Variants in PLXNA4 observed in about 807,000 individuals in gnomAD.
PLXNA4 encodes the protein plexin A4.
Under a neutral mutation model 191.8 loss-of-function variants are expected in PLXNA4, and 44 were observed. The observed-to-expected ratio is 0.23, with a 90% CI of 0.18 to 0.29. PLXNA4 has a LOEUF of 0.29. Ranked by LOEUF, PLXNA4 falls within the 10% of genes least tolerant of loss-of-function variation. The pLI is 1.00. For missense variants in PLXNA4, 1,800 were observed against 2,488.8 expected (o/e 0.72, Z 5.89); for synonymous variants, 1,082 against 1,009.5 (o/e 1.07, Z -1.36).
chr7:132,321,810 T>C (rs1802178009), intron 3 of PLXNA4, among the ~76,000 whole-genome samples: 1 of 152,044 alleles, frequency 6.6e-6, no homozygotes, highest in Non-Finnish European at 1.5e-5. Context: ...GGAGCCTGTA[T>C]GCGGGTGGCC....
intron 3 of PLXNA4, among the ~76,000 whole-genome samples, chr7:132,378,847 CTTTTTTTT>C (rs11375919): frequency 8.4e-6 from 1 of 119,050 alleles, no homozygotes; most frequent in Non-Finnish European, 1.7e-5. Flanking sequence ...GGCACTGGAT[CTTTTTTTT>C]TTTTTTTTTT....
At position 132,641,468 on chromosome 7, in the gene PLXNA4, T is replaced by C. The variant is rs73434748; in HGVS notation, c.-87+4460A>G. ...ATGTTGGATGAGGGCTCTATCCATA[T>C]GACCTTATTTAACCTTAATTACCTC... On this transcript the variant is annotated intron_variant, in intron 2 of 4. Coordinates refer to the PLXNA4 transcript ENST00000378539. Among the ~76,000 whole-genome samples, 313 of 152,306 alleles carry C rather than the reference T, an allele frequency of 2.1e-3. 2 individuals carry two copies. Among genetic ancestry groups the C allele is most frequent in the African/African-American group, 7.2e-3 (299 of 41,562 alleles).
intron 10 of PLXNA4, among the ~76,000 whole-genome samples, chr7:132,209,954 G>A (rs1225686182): frequency 6.6e-6 from 1 of 152,102 alleles, no homozygotes; most frequent in Non-Finnish European, 1.5e-5. Context: ...CTCAGCTTCT[G>A]GGCCTACACT....
rs115599581 is a variant in PLXNA4 at position 132,442,119 on chromosome 7, C to A, written c.1371+47173G>T. Among the ~76,000 whole-genome samples, 518 of 152,276 alleles carry A rather than the reference C, an allele frequency of 3.4e-3. 3 individuals are homozygous for A. The highest frequency in any genetic ancestry group is 0.012 in the African/African-American group (480 of 41,538). The stretch of plus-strand genomic sequence containing the variant: ...CCAAGCCCTTAATGATCTCACGTGG[C>A]CTTCAGGGACACCCAGGCACTCCAG... On this transcript the variant is annotated intron_variant, in intron 3 of 31. Coordinates refer to ENST00000321063, the MANE Select transcript of PLXNA4 (RefSeq NM_020911.2).
At chr7:132,195,328 T>C (rs1291763296) in intron 13 of PLXNA4, among the ~76,000 whole-genome samples, 1 of 152,250 alleles carries the variant, frequency 6.6e-6, no homozygotes, top group Non-Finnish European at 1.5e-5. Flanking sequence ...GTATTTCATC[T>C]GATGATTGCA....
intron 24 of PLXNA4, among the ~76,000 whole-genome samples, chr7:132,161,070 C>G (rs1186324337): frequency 6.6e-6 from 1 of 152,168 alleles, no homozygotes; most frequent in African/African-American, 2.4e-5. Context: ...GTCTTCTGGC[C>G]CCTTCCCTCT....
intron 24 of PLXNA4, among the ~76,000 whole-genome samples, chr7:132,160,227 C>A (rs551380303): frequency 1.3e-5 from 2 of 152,286 alleles, no homozygotes; most frequent in South Asian, 4.1e-4. Flanking sequence ...ATCTATAAGA[C>A]ACTTAATGTA....
At chr7:132,606,280 T>G (rs142661339) in intron 2 of PLXNA4, among the ~76,000 whole-genome samples, 1 of 152,358 alleles carries the variant, frequency 6.6e-6, no homozygotes, top group East Asian at 1.9e-4. Flanking sequence ...ACCTTGATTT[T>G]AGAATTCCAG....
rs143603377 is a variant in PLXNA4 at position 132,648,244 on chromosome 7, A to C, written c.-203+270T>G. 7.3e-3 allele frequency among the ~76,000 whole-genome samples: 1,114 copies of C among 152,284 alleles called. 11 individuals carry two copies. Among genetic ancestry groups the C allele is most frequent in the African/African-American group, 0.026 (1,069 of 41,552 alleles). ...ACTCACACATCGTGTATGTCCTTCT[A>C]AGCACAGAAACGCTTTCCATTTCCA... On this transcript the variant is annotated intron_variant, in intron 1 of 4. Coordinates refer to the PLXNA4 transcript ENST00000378539.
chr7:132,254,175 C>T (rs2117094172), intron 4 of PLXNA4, among the ~76,000 whole-genome samples: 1 of 152,258 alleles, frequency 6.6e-6, no homozygotes, highest in East Asian at 1.9e-4. Context: ...TTATTCTCAT[C>T]TTGGTTACTT....
intron 3 of PLXNA4, among the ~76,000 whole-genome samples, chr7:132,380,741 C>A (rs1044386670): frequency 6.6e-6 from 1 of 152,194 alleles, no homozygotes; most frequent in Non-Finnish European, 1.5e-5. Flanking sequence ...AGTTTCCAAA[C>A]CCTATCACCC....
intron 2 of PLXNA4, among the ~76,000 whole-genome samples, chr7:132,614,271 T>C (rs57239844): frequency 0.038 from 5,820 of 152,320 alleles, 500 homozygotes; most frequent in East Asian, 0.27. Context: ...CACTCTTTTT[T>C]TCAGAACGCT....
At chr7:132,318,229 G>C (rs1337811276) in intron 3 of PLXNA4, among the ~76,000 whole-genome samples, 1 of 152,156 alleles carries the variant, frequency 6.6e-6, no homozygotes, top group African/African-American at 2.4e-5. Flanking sequence ...AGCCAGACAG[G>C]TGATTCATGT....
rs1802455669 is a variant in PLXNA4 at position 132,583,848 on chromosome 7, G to A, written c.-87+62080C>T. Among the ~76,000 whole-genome samples, 4 of 152,232 alleles carry A rather than the reference G, an allele frequency of 2.6e-5. No homozygotes were observed. The South Asian group carries it at 8.3e-4, about 32-fold the overall frequency. On this transcript the variant is annotated intron_variant, in intron 2 of 4. Coordinates refer to the PLXNA4 transcript ENST00000378539. ...CCTTGTGGAGTCCAGAGAGAGCAGG[G>A]ACCCTCGAAGCCTGAAGTCCACAGA...
chr7:132,438,666 C>T (rs1304460283), intron 3 of PLXNA4, among the ~76,000 whole-genome samples: 1 of 152,218 alleles, frequency 6.6e-6, no homozygotes, highest in Non-Finnish European at 1.5e-5. Flanking sequence ...TTGCCACTTG[C>T]TGGTAATTAG....
intron 2 of PLXNA4, among the ~76,000 whole-genome samples, chr7:132,617,405 T>C (rs1267602906): frequency 1.3e-5 from 2 of 152,170 alleles, no homozygotes; most frequent in African/African-American, 2.4e-5. Flanking sequence ...CCCAGGGCCA[T>C]CCCTGAACCC....
intron 25 of PLXNA4, among the ~76,000 whole-genome samples, chr7:132,149,474 C>T (rs1795530753): frequency 6.6e-6 from 1 of 152,164 alleles, no homozygotes; most frequent in African/African-American, 2.4e-5. Context: ...AATGTACACA[C>T]ATGAAAATCC....
exon 1 of PLXNA4, chr7:132,648,518 T>G (rs1281068005): frequency 6.6e-6 from 1 of 152,244 alleles, no homozygotes; most frequent in Non-Finnish European, 1.5e-5. Flanking sequence ...TTTTACCTTT[T>G]CGGGGTAATT....
intron 1 of PLXNA4, among the ~76,000 whole-genome samples, chr7:132,533,999 G>T (rs1799731655): frequency 6.6e-6 from 1 of 152,016 alleles, no homozygotes; most frequent in East Asian, 1.9e-4. Flanking sequence ...GAGATTCAAA[G>T]ACATTCCTTG....
Sources: allele counts gnomAD v4.1 joint callset (sites outside exome capture counted in the v4.1 genomes callset), GRCh38; gene constraint gnomAD v4.1.1; transcripts MANE v1.5; gene names NCBI Gene and HGNC (gene_info 2026-07-23, HGNC 2026-07-21).